Variants in PTPRD observed in about 807,000 individuals in gnomAD.
The protein encoded by PTPRD is protein tyrosine phosphatase receptor type D.
Under a neutral mutation model 214.5 loss-of-function variants are expected in PTPRD, and 34 were observed. The ratio of observed to expected loss-of-function variants is 0.16; its 90% confidence interval spans 0.12 to 0.21. The LOEUF (loss-of-function observed/expected upper bound fraction) is 0.21, where lower values mean the gene tolerates loss of function less well. Ranked by LOEUF, PTPRD falls within the 10% of genes least tolerant of loss-of-function variation. The probability of loss-of-function intolerance (pLI) is 1.00; values close to 1 mark genes in which losing one functional copy is unlikely to be tolerated. For synonymous variants in PTPRD, 1,128 were observed against 845.7 expected (o/e 1.33, Z -5.79); for missense variants, 2,545 against 2,398.7 (o/e 1.06, Z -1.27).
At chr9:10,482,145 G>GC (rs1566393563) in intron 2 of PTPRD, among the ~76,000 whole-genome samples, 3 of 152,104 alleles carry the variant, frequency 2.0e-5, no homozygotes, top group Admixed American at 6.5e-5. Flanking sequence ...GCCCAGGCGG[G>GC]AGAATCACGA....
At chr9:9,340,659 T>G in intron 9 of PTPRD, among the ~76,000 whole-genome samples, 1 of 152,328 alleles carries the variant, frequency 6.6e-6, no homozygotes, top group East Asian at 1.9e-4. Flanking sequence ...ATGAATTGAA[T>G]AGAGTTGGCC....
chr9:8,872,077 A>G (rs2154208496), intron 11 of PTPRD, among the ~76,000 whole-genome samples: 1 of 152,328 alleles, frequency 6.6e-6, no homozygotes, highest in South Asian at 2.1e-4. Flanking sequence ...ACCCCTATAA[A>G]GTAGGCTTAT....
intron 23 of PTPRD, 30 bp downstream of exon 23, chr9:8,504,231 G>C (rs755775121): frequency 3.1e-6 from 5 of 1,612,604 alleles, no homozygotes; most frequent in African/African-American, 1.3e-5. Flanking sequence ...GAAATAAAAA[G>C]GCAGAAAGTA....
At chr9:10,455,673 C>T (rs1229113885) in intron 2 of PTPRD, among the ~76,000 whole-genome samples, 1 of 151,732 alleles carries the variant, frequency 6.6e-6, no homozygotes. Flanking sequence ...GGGACATATT[C>T]ATCCTTTGTT....
chr9:8,676,284 C>A (rs2097414207), intron 12 of PTPRD, among the ~76,000 whole-genome samples: 1 of 152,088 alleles, frequency 6.6e-6, no homozygotes, highest in Non-Finnish European at 1.5e-5. Context: ...CTTACAACTC[C>A]CTAAGCCCAC....
intron 4 of PTPRD, among the ~76,000 whole-genome samples, chr9:9,979,112 T>C (rs187038751): frequency 6.6e-6 from 1 of 152,130 alleles, no homozygotes; most frequent in Non-Finnish European, 1.5e-5. Flanking sequence ...CTAGCACACT[T>C]GTACTATGAG....
chr9:8,663,283 C>CTTT (rs561882911), intron 12 of PTPRD, among the ~76,000 whole-genome samples: 1,435 of 137,216 alleles, frequency 0.01, 27 homozygotes, highest in African/African-American at 0.036. Context: ...AGATAATTGG[C>CTTT]TTTTTTTTTT....
chr9:10,025,032 G>A (rs1335612143), intron 4 of PTPRD, among the ~76,000 whole-genome samples: 1 of 151,746 alleles, frequency 6.6e-6, no homozygotes, highest in Non-Finnish European at 1.5e-5. Context: ...GTCTATCATT[G>A]TTGGACATTT....
At chr9:9,448,327 G>A (rs760754132) in intron 8 of PTPRD, among the ~76,000 whole-genome samples, 1 of 152,006 alleles carries the variant, frequency 6.6e-6, no homozygotes, top group Non-Finnish European at 1.5e-5. Context: ...TAATCCTCAC[G>A]TGTCGAGGGT....
At chr9:10,354,120 C>T (rs988392274) in intron 2 of PTPRD, among the ~76,000 whole-genome samples, 4 of 152,116 alleles carry the variant, frequency 2.6e-5, no homozygotes, top group African/African-American at 9.6e-5. Flanking sequence ...GCCATTTAAT[C>T]GGTAATTGCA....
intron 2 of PTPRD, among the ~76,000 whole-genome samples, chr9:10,586,105 A>G (rs962397621): frequency 1.3e-5 from 2 of 152,124 alleles, no homozygotes; most frequent in South Asian, 2.1e-4. Context: ...AATTTACATA[A>G]AAGTAAATTA....
intron 10 of PTPRD, among the ~76,000 whole-genome samples, chr9:9,105,703 ATG>A (rs1317700286): frequency 4.6e-5 from 7 of 152,156 alleles, no homozygotes; most frequent in African/African-American, 1.7e-4. Context: ...AACATACTGA[ATG>A]AGAGAGCTAC....
intron 2 of PTPRD, among the ~76,000 whole-genome samples, chr9:10,353,998 T>C (rs751188244): frequency 5.9e-5 from 9 of 152,088 alleles, no homozygotes; most frequent in Non-Finnish European, 1.3e-4. Flanking sequence ...AATAATATAG[T>C]GAACTTCCAT....
intron 14 of PTPRD, among the ~76,000 whole-genome samples, chr9:8,626,465 G>C (rs72698247): frequency 0.089 from 13,531 of 151,746 alleles, 791 homozygotes; most frequent in South Asian, 0.13. Context: ...ATACCCACCT[G>C]TAATGGTTAA....
chr9:9,469,135 G>C, intron 8 of PTPRD, among the ~76,000 whole-genome samples: 1 of 152,028 alleles, frequency 6.6e-6, no homozygotes, highest in East Asian at 1.9e-4. Flanking sequence ...AGTATGAAAA[G>C]AATATATGAA....
intron 4 of PTPRD, among the ~76,000 whole-genome samples, chr9:9,984,369 G>T (rs1477127758): frequency 6.6e-6 from 1 of 152,202 alleles, no homozygotes; most frequent in Non-Finnish European, 1.5e-5. Flanking sequence ...TTTGGAAAGA[G>T]ACTCCCTTCT....
intron 2 of PTPRD, among the ~76,000 whole-genome samples, chr9:10,612,192 C>A (rs528757704): frequency 1.2e-4 from 16 of 129,018 alleles, no homozygotes; most frequent in Non-Finnish European, 2.4e-4. Context: ...ATATCGAAGT[C>A]TTCTAAGGGC....
intron 8 of PTPRD, among the ~76,000 whole-genome samples, chr9:9,472,580 C>G (rs112386548): frequency 0.016 from 2,487 of 151,996 alleles, 54 homozygotes; most frequent in African/African-American, 0.055. Context: ...TGCAGCCAAC[C>G]TCAAGTTTCT....
chr9:10,245,967 C>G (rs2092014588), intron 3 of PTPRD, among the ~76,000 whole-genome samples: 2 of 152,090 alleles, frequency 1.3e-5, no homozygotes, highest in African/African-American at 4.8e-5. Flanking sequence ...TATCCAAAAG[C>G]AAGAATTGAA....
Sources: gnomAD v4.1 joint callset for allele counts (sites outside exome capture counted in the v4.1 genomes callset) on GRCh38, gnomAD v4.1.1 for gene constraint, MANE v1.5 for transcripts, NCBI Gene and HGNC (gene_info 2026-07-23, HGNC 2026-07-21) for gene names.